The following FLG variants were observed in gnomAD, a reference collection of about 807,000 sequenced individuals.
FLG encodes the protein epidermal filaggrin.
A neutral mutation model predicts 3.8 loss-of-function variants in FLG; 6 were observed. That is an observed-to-expected ratio of 1.60 (90% CI 0.87 to 3.15). FLG has a LOEUF of 3.15. FLG is among the 30% of genes most tolerant of loss of function. The probability of loss-of-function intolerance (pLI) is 0.00; values close to 1 mark genes in which losing one functional copy is unlikely to be tolerated. For synonymous variants in FLG, 2,551 were observed against 1,931.6 expected, an observed-to-expected ratio of 1.32 and a Z score of -8.41; for missense variants, 7,595 against 5,050.9, an observed-to-expected ratio of 1.50 and a Z score of -15.27.
At chr1:152,315,282 C>G in intron 2 of FLG, 37 bp downstream of exon 2, 2 of 1,604,550 alleles carry the variant, frequency 1.2e-6, no homozygotes, top group Non-Finnish European at 1.7e-6. Flanking sequence ...ATGAGAAAAA[C>G]AAATGCTCTA....
chr1:152,309,219 G>T lies in FLG; in HGVS notation c.5667C>A (p.Ser1889=). Reference sequence around the variant, plus strand: ...AGTGTCTAGAGCTGTCGGCCCGAGAGGAAGCTTCATGGTGACGCGACCCTG... The same window carrying T: ...AGTGTCTAGAGCTGTCGGCCCGAGATGAAGCTTCATGGTGACGCGACCCTG... ...RHSGSRHHEA[S]SRADSSRHSQ... is the part of the protein sequence containing the mutation. The change falls in exon 3 of 3, where the codon TCC becomes TCA. Residue 1889 remains serine, a synonymous_variant. Transcript: ENST00000368799. 6.2e-7 allele frequency: 1 copy of T among 1,613,638 alleles called. No individual in the cohort carries two copies. Among genetic ancestry groups the T allele is most frequent in the East Asian group, 2.2e-5 (1 of 44,764 alleles).
rs776862937 is a variant in FLG at position 152,306,186 on chromosome 1, A to C, written c.8700T>G (p.His2900Gln). Residue 2900 changes from histidine to glutamine, a missense_variant, in exon 3 of 3, where the codon CAT (histidine) becomes CAG (glutamine). By Grantham distance (24) the His-to-Gln change is conservative. Transcript: ENST00000368799. ...CAGACCACCTCTCAGAGTCTTCTGA[A>C]TGTCCCTCACTGTCACTGTCCTGGC... ...SVSQDSDSEG[H>Q]SEDSERWSGS... The C allele has an allele frequency of 3.1e-6, 5 of 1,601,148 alleles. No individual in the cohort carries two copies. The highest frequency in any genetic ancestry group is 3.3e-5 in the Admixed American group (2 of 59,770).
In FLG at chr1:152,312,606, C is replaced by T. The variant is rs144821977; in HGVS notation, c.2280G>A (p.Gln760=). The T allele has an allele frequency of 1.9e-6, 3 of 1,613,072 alleles. No individual in the cohort carries two copies. The highest frequency in any genetic ancestry group is 2.7e-5 in the African/African-American group (2 of 74,834). Residue 760 remains glutamine (Q), a synonymous_variant, in exon 3 of 3, where the codon CAG becomes CAA. Coordinates refer to ENST00000368799, the MANE Select transcript of FLG (RefSeq NM_002016.2). The stretch of plus-strand genomic sequence containing the variant: ...CAGCCTGTCCATGGCCTGACACTGA[C>T]TGTGTGTCTGAGTCTTCTGAATGTC... ...SEGHSEDSDT[Q]SVSGHGQAGH...
Position 152,303,507 on chromosome 1 carries a change from G to A in FLG, c.11379C>T (p.Ser3793=). ...HSGSHHSHTT[S]QGRSDASHGQ... ...CATGGGAGGCATCAGACCTTCCCTG[G>A]GATGTGGTGTGGCTGTGATGGGACC... The change falls in exon 3 of 3, where the codon TCC becomes TCT. Residue 3793 remains serine (S), a synonymous_variant. Coordinates refer to ENST00000368799, the MANE Select transcript of FLG (RefSeq NM_002016.2). 1.2e-6 allele frequency: 2 copies of A among 1,614,006 alleles called. No homozygotes were observed. The highest frequency in any genetic ancestry group is 2.2e-5 in the East Asian group (1 of 44,852).
rs745888111 is a variant in FLG at position 152,309,618 on chromosome 1, C to T, written c.5268G>A (p.Gly1756=). 1 of 1,613,932 alleles carries T rather than the reference C, an allele frequency of 6.2e-7. No homozygotes were observed. Among genetic ancestry groups the T allele is most frequent in the South Asian group, 1.1e-5 (1 of 91,046 alleles). Residue 1756 remains glycine (G), a synonymous_variant, in exon 3 of 3, where the codon GGG becomes GGA. Transcript: ENST00000368799. ...AAGACCCTGAACGTCCAGACCTTTC[C>T]CCTGACTGGCCACGTGTGGACTCTT... is the stretch of plus-strand genomic sequence containing the variant. ...SHQESTRGQS[G]ERSGRSGSFL...
At position 152,312,932 on chromosome 1, in the gene FLG, G is replaced by C. The variant is rs748536742; in HGVS notation, c.1954C>G (p.Gln652Glu). Residue 652 changes from glutamine (Q) to glutamate (E), a missense_variant, in exon 3 of 3, where the codon CAG (glutamine) becomes GAG (glutamate). Transcript: ENST00000368799. ...GGGTGTCTGGAGCCATCTCTTGACT[G>C]CTCCTGAGCAGATCCATGATGGTTT... is the stretch of plus-strand genomic sequence containing the variant. ...SRNHHGSAQE[Q>E]SRDGSRHPRS... 1.4e-5 allele frequency: 23 copies of C among 1,613,874 alleles called. No individual in the cohort carries two copies. Among genetic ancestry groups the C allele is most frequent in the Non-Finnish European group, 1.9e-5 (22 of 1,180,030 alleles).
rs147067035 is a variant in FLG at position 152,303,314 on chromosome 1, G to A, written c.11572C>T (p.Arg3858Cys). The change falls in exon 3 of 3, where the codon CGC (arginine) becomes TGC (cysteine). Residue 3858 changes from arginine to cysteine, a missense_variant. Physicochemically the swap from Arg to Cys is radical, Grantham distance 180. Coordinates refer to ENST00000368799, the MANE Select transcript of FLG (RefSeq NM_002016.2). ...GESAGSRRSRRQGSSVSQDSD... is the reference protein window; with the variant it reads ...GESAGSRRSRCQGSSVSQDSD... ...TCCTGGCTAACACTGGATCCCTGGCGCCTGCTTCTCCTGGACCCCGCTGAT... is the reference window on the plus strand; with the variant it reads ...TCCTGGCTAACACTGGATCCCTGGCACCTGCTTCTCCTGGACCCCGCTGAT... The A allele has an allele frequency of 9.5e-5, 154 of 1,613,848 alleles. No homozygotes were observed. In the African/African-American group the frequency reaches 1.2e-3, roughly 12 times the overall value.
rs1357816045 is a variant in FLG at position 152,305,498 on chromosome 1, C to T, written c.9388G>A (p.Val3130Ile). The T allele has an allele frequency of 6.4e-7, 1 of 1,571,338 alleles. No individual in the cohort carries two copies. The highest frequency in any genetic ancestry group is 8.6e-7 in the Non-Finnish European group (1 of 1,165,244). The stretch of plus-strand genomic sequence containing the variant: ...GACCCTGAGTGTCCAGAGCTATCTA[C>T]CGAATGCTCGTGGTGGTACCCCTGC... ...GRQGYHHEHS[V>I]DSSGHSGSHH... Residue 3130 changes from valine to isoleucine, a missense_variant, in exon 3 of 3, where the codon GTA (valine) becomes ATA (isoleucine). By Grantham distance (29) the Val-to-Ile change is conservative. Transcript: ENST00000368799.
intron 2 of FLG, 94 bp from the exon 3 acceptor site, chr1:152,314,841 G>T: frequency 1.3e-6 from 2 of 1,514,200 alleles, no homozygotes; most frequent in Non-Finnish European, 1.8e-6. Flanking sequence ...CCTGATCTTT[G>T]AGTATTAAAA....
chr1:152,316,863 G>C (rs1475670631), intron 1 of FLG, among the ~76,000 whole-genome samples: 1 of 151,932 alleles, frequency 6.6e-6, no homozygotes, highest in Admixed American at 6.6e-5. Flanking sequence ...ACATCCACTT[G>C]TCCTACTTTT....
rs758568742 is a variant in FLG, at chr1:152,309,711, G to A, written c.5175C>T (p.His1725=). The change falls in exon 3 of 3, where the codon CAC becomes CAT. Residue 1725 remains histidine (H), a synonymous_variant. Coordinates refer to ENST00000368799, the MANE Select transcript of FLG (RefSeq NM_002016.2). The stretch of plus-strand genomic sequence containing the variant: ...CTGACTGTGTGTCTGACTCTTCTGA[G>A]TGTCCCTCGCTGTCACTGGCCTGGC... ...SGSQASDSEG[H]SEESDTQSVS... 9.9e-6 allele frequency: 16 copies of A among 1,613,752 alleles called. No individual in the cohort carries two copies. The highest frequency in any genetic ancestry group is 1.7e-5 in the Admixed American group (1 of 59,988).
chr1:152,305,224 C>G lies in FLG; in HGVS notation c.9662G>C (p.Ser3221Thr). The G allele has an allele frequency of 6.2e-7, 1 of 1,613,390 alleles. No individual in the cohort carries two copies. Among genetic ancestry groups the G allele is most frequent in the Middle Eastern group, 1.7e-4 (1 of 6,054 alleles). ...CTCAGAGTCTTCTGAATGTCCCTCA[C>G]TGTCACTGTCCTGGCTCACACTGGA... is the stretch of plus-strand genomic sequence containing the variant. ...QGSSVSQDSD[S>T]EGHSEDSERW... Residue 3221 changes from serine to threonine, a missense_variant, in exon 3 of 3, where the codon AGT becomes ACT. By Grantham distance (58) the Ser-to-Thr change is moderately conservative. Coordinates refer to ENST00000368799, the MANE Select transcript of FLG (RefSeq NM_002016.2).
In FLG at chr1:152,312,430, C is replaced by T. The variant is rs772427471; in HGVS notation, c.2456G>A (p.Gly819Glu). ...WTGPSTGVRQ[G>E]SHHEQARDNS... ...GTCTCGTGCCTGCTCATGGTGGGAT[C>T]CTTGTCTTACTCCAGTGCTGGGCCC... The change falls in exon 3 of 3, where the codon GGA becomes GAA. Residue 819 changes from glycine to glutamate, a missense_variant. Physicochemically the swap from Gly to Glu is moderately conservative, Grantham distance 98 (BLOSUM62 -2). Transcript: ENST00000368799. The T allele has an allele frequency of 1.3e-5, 21 of 1,613,408 alleles. No individual in the cohort carries two copies. Among genetic ancestry groups the T allele is most frequent in the Middle Eastern group, 1.6e-4 (1 of 6,080 alleles).
chr1:152,311,858 C>A lies in FLG; in HGVS notation c.3028G>T (p.Ala1010Ser). The A allele has an allele frequency of 6.2e-7, 1 of 1,614,010 alleles. No individual in the cohort carries two copies. The highest frequency in any genetic ancestry group is 8.5e-7 in the Non-Finnish European group (1 of 1,179,946). ...DSSRQSGTPH[A>S]ETSSGGQAAS... ...GCCTGTCCACCAGAGGAAGTCTCTG[C>A]GTGAGGAGTTCCTGATTGTCTGGAG... The change falls in exon 3 of 3, where the codon GCA (alanine) becomes TCA (serine). Residue 1010 changes from alanine to serine, a missense_variant. By Grantham distance (99) the Ala-to-Ser change is moderately conservative. Transcript: ENST00000368799.
chr1:152,307,889 G>A lies in FLG; in HGVS notation c.6997C>T (p.His2333Tyr), dbSNP rs367612665. 68 of 1,613,014 alleles carry A rather than the reference G, an allele frequency of 4.2e-5. No individual in the cohort carries two copies. The highest frequency in any genetic ancestry group is 5.4e-5 in the Non-Finnish European group (64 of 1,179,756). Residue 2333 changes from histidine to tyrosine, a missense_variant, in exon 3 of 3, where the codon CAC (histidine) becomes TAC (tyrosine). Coordinates refer to ENST00000368799, the MANE Select transcript of FLG (RefSeq NM_002016.2). ...RSSAGERHGS[H>Y]HQQSADSSRH... Reference sequence around the variant, plus strand: ...GAGCTGTCTGCTGACTGCTGGTGGTGGGATCCGTGTCTCTCTCCTGCACTT... The same window carrying A: ...GAGCTGTCTGCTGACTGCTGGTGGTAGGATCCGTGTCTCTCTCCTGCACTT...
At position 152,302,733 on chromosome 1, in the gene FLG, A is replaced by G. The variant is rs774898602; in HGVS notation, c.12153T>C (p.Phe4051=). 8.1e-6 allele frequency: 13 copies of G among 1,613,932 alleles called. No homozygotes were observed. The East Asian group carries it at 2.9e-4, about 36-fold the overall frequency. The change falls in exon 3 of 3, where the codon TTT becomes TTC. Residue 4051 remains phenylalanine (F), a synonymous_variant. Transcript: ENST00000368799. ...HSSDISKQLG[F]SQSQRYYYYE ...AGTAATAGTATCTCTGTGACTGACTAAATCCCAGTTGTTTCGATATATCAC... is the reference window on the plus strand; with the variant it reads ...AGTAATAGTATCTCTGTGACTGACTGAATCCCAGTTGTTTCGATATATCAC...
chr1:152,310,724 G>A lies in FLG; in HGVS notation c.4162C>T (p.Arg1388Ter), dbSNP rs756594053. 34 of 1,613,794 alleles carry A rather than the reference G, an allele frequency of 2.1e-5. No homozygotes were observed. Among genetic ancestry groups the A allele is most frequent in the Admixed American group, 3.3e-5 (2 of 59,982 alleles). The change falls in exon 3 of 3, where the codon CGA (arginine) becomes TGA (stop). Residue 1388 changes from arginine (R) to a stop codon, truncating the protein, a stop_gained. Transcript: ENST00000368799. LOFTEE classifies it low-confidence loss of function (END_TRUNC). ...ASSAVRDSGH[R>*]GSSGSQVTNS... ...GTGACCTGACTACCACTGGACCCTC[G>A]GTGTCCACTGTCTCTGACTGCAGAT...
intron 1 of FLG, 106 bp from the exon 2 acceptor site, chr1:152,315,583 C>A: frequency 1.2e-6 from 1 of 858,354 alleles, no homozygotes; most frequent in South Asian, 1.7e-5. Flanking sequence ...TCTAAGTAAT[C>A]CATCTTTAAG....
chr1:152,311,613 C>A lies in FLG; in HGVS notation c.3273G>T (p.Gln1091His). The A allele has an allele frequency of 6.2e-7, 1 of 1,614,102 alleles. No individual in the cohort carries two copies. The highest frequency in any genetic ancestry group is 8.5e-7 in the Non-Finnish European group (1 of 1,180,018). The change falls in exon 3 of 3, where the codon CAG (glutamine) becomes CAT (histidine). Residue 1091 changes from glutamine (Q) to histidine (H), a missense_variant. Physicochemically the swap from Gln to His is conservative, Grantham distance 24 (BLOSUM62 0). Transcript: ENST00000368799. ...SDTQSVSGHGQDGPHQQSHQE... is the reference protein window; with the variant it reads ...SDTQSVSGHGHDGPHQQSHQE... ...GGTGGCTCTGCTGATGGGGCCCATC[C>A]TGTCCATGGCCTGACACTGACTGTG...
Sources: gnomAD v4.1 joint callset for allele counts (sites outside exome capture counted in the v4.1 genomes callset) on GRCh38, gnomAD v4.1.1 for gene constraint, MANE v1.5 for transcripts, NCBI Gene and HGNC (gene_info 2026-07-23, HGNC 2026-07-21) for gene names.